The following UNG variants were observed in gnomAD, a reference collection of about 807,000 sequenced individuals.
The protein encoded by UNG is uracil-DNA glycosylase.
UNG carries 34 observed loss-of-function variants against 36.5 expected under a neutral mutation model. The observed-to-expected ratio is 0.93, with a 90% CI of 0.71 to 1.24. The LOEUF (loss-of-function observed/expected upper bound fraction) is 1.24. Ranked by LOEUF, UNG falls within the 50% of genes most tolerant of loss-of-function variation. The pLI is 0.00. For missense variants in UNG, 391 were observed against 397.6 expected (o/e 0.98, Z 0.14); for synonymous variants, 172 against 157.8 (o/e 1.09, Z -0.67).
intron 6 of UNG, among the ~76,000 whole-genome samples, chr12:109,106,815 T>G (rs2042217784): frequency 7.9e-6 from 1 of 126,296 alleles, no homozygotes; most frequent in Admixed American, 8.9e-5. Context: ...TGCAGTTAGC[T>G]GAGATCATGC....
At chr12:109,101,824 G>T in intron 3 of UNG, 78 bp from the exon 4 acceptor site, 1 of 1,252,082 alleles carries the variant, frequency 8.0e-7, no homozygotes, top group South Asian at 1.2e-5. Context: ...TATTTGTTTT[G>T]TTTATGTTTG....
rs55812333 is a variant in UNG, at chr12:109,102,005, G to A, written c.533+6G>A. 2.0e-3 allele frequency: 3,238 copies of A among 1,613,482 alleles called. 6 individuals are homozygous for A. Among genetic ancestry groups the A allele is most frequent in the South Asian group, 3.0e-3 (276 of 91,064 alleles). On this transcript the variant is annotated splice_donor_region_variant and intron_variant, in intron 4 of 6. Coordinates refer to ENST00000242576, the MANE Select transcript of UNG (RefSeq NM_080911.3). The stretch of plus-strand genomic sequence containing the variant: ...CCTGTTCCGCCTCCGCCCAGGTACA[G>A]TTGCTTTACAGGTGACTGCAGTCCA...
Position 109,099,233 on chromosome 12 carries a change from T to G in UNG, c.384T>G (p.Tyr128Ter). 7 of 1,614,052 alleles carry G rather than the reference T, an allele frequency of 4.3e-6. No homozygotes were observed. Among genetic ancestry groups the G allele is most frequent in the Non-Finnish European group, 5.9e-6 (7 of 1,180,022 alleles). ...AAGAAAGAAAGCATTACACTGTTTA[T>G]CCACCCCCACACCAAGTCTTCACCT... ...VAEERKHYTV[Y>*]PPPHQVFTWT... The change falls in exon 3 of 7, where the codon TAT becomes TAG. Residue 128 changes from tyrosine to a stop codon, truncating the protein, a stop_gained. Transcript: ENST00000242576. LOFTEE classifies it high-confidence loss of function.
At position 109,110,112 on chromosome 12, in the gene UNG, TC is replaced by T; in HGVS notation, c.*145del. The T allele has an allele frequency of 8.8e-7, 1 of 1,133,162 alleles. No individual in the cohort carries two copies. The highest frequency in any genetic ancestry group is 1.3e-6 in the Non-Finnish European group (1 of 785,650). 70.2% of individuals were successfully genotyped at this position (1,133,162 alleles called of 1,614,324 possible). On this transcript the variant is annotated 3_prime_UTR_variant, in exon 7 of 7. Coordinates refer to ENST00000242576, the MANE Select transcript of UNG (RefSeq NM_080911.3). ...CAGAAAGCAGCCATGAACCAGGCTG[TC>T]CAGGAATGGCAGCTGTATCCAACCA...
intron 5 of UNG, 144 bp from the exon 6 acceptor site, chr12:109,103,289 A>G (rs1006567917): frequency 6.1e-6 from 5 of 818,200 alleles, no homozygotes; most frequent in South Asian, 2.9e-5. Flanking sequence ...GGCTGCTGCC[A>G]TTATGCCGGC....
In UNG at chr12:109,103,470, C is replaced by G. The variant is rs572632781; in HGVS notation, c.660C>G (p.Ala220=). Residue 220 remains alanine, a synonymous_variant, in exon 6 of 7, where the codon GCC becomes GCG. Transcript: ENST00000242576. ...TCAACGCTGTCCTCACGGTTCGTGC[C>G]CATCAAGCCAACTCTCATAAGGAGC... The part of the protein sequence containing the change: ...LLLNAVLTVR[A]HQANSHKERG... 4 of 1,614,164 alleles carry G rather than the reference C, an allele frequency of 2.5e-6. No homozygotes were observed. The African/African-American group carries it at 4.0e-5, about 16-fold the overall frequency.
At chr12:109,105,828 C>T (rs141518006) in intron 6 of UNG, among the ~76,000 whole-genome samples, 77 of 152,374 alleles carry the variant, frequency 5.1e-4, no homozygotes, top group South Asian at 1.9e-3. Flanking sequence ...CAGGCCCTCA[C>T]CTGATCTTGC....
chr12:109,104,700 G>C (rs771101442), intron 6 of UNG, among the ~76,000 whole-genome samples: 8 of 152,102 alleles, frequency 5.3e-5, no homozygotes, highest in Non-Finnish European at 1.0e-4. Context: ...GGGAGAGATA[G>C]GGGGTGGGAA....
intron 3 of UNG, among the ~76,000 whole-genome samples, chr12:109,100,009 C>A (rs1430055849): frequency 6.6e-6 from 1 of 152,132 alleles, no homozygotes; most frequent in Non-Finnish European, 1.5e-5. Context: ...TTGCAGTGAG[C>A]TGAGATCACA....
At chr12:109,100,320 T>C (rs569848170) in intron 3 of UNG, among the ~76,000 whole-genome samples, 2 of 152,334 alleles carry the variant, frequency 1.3e-5, no homozygotes, top group African/African-American at 2.4e-5. Flanking sequence ...ACGATGCATT[T>C]AGCACCTGCT....
At position 109,097,755 on chromosome 12, in the gene UNG, C is replaced by T. The variant is rs1321029062; in HGVS notation, c.76C>T (p.Pro26Ser). The change falls in exon 1 of 7, where the codon CCG (proline) becomes TCG (serine). Residue 26 changes from proline to serine, a missense_variant. Coordinates refer to ENST00000242576, the MANE Select transcript of UNG (RefSeq NM_080911.3). ...GAAGCGACACGCCCCCAGCCCCGAG[C>T]CGGCCGTCCAGGGGACCGGCGTGGC... Reference protein sequence around the residue: ...ARKRHAPSPEPAVQGTGVAGV... With the variant: ...ARKRHAPSPESAVQGTGVAGV... 1.3e-6 allele frequency: 2 copies of T among 1,573,152 alleles called. No homozygotes were observed. The highest frequency in any genetic ancestry group is 1.7e-6 in the Non-Finnish European group (2 of 1,159,378).
At position 109,108,317 on chromosome 12, in the gene UNG, G is replaced by T. The variant is rs564398753; in HGVS notation, c.802-1512G>T. Among the ~76,000 whole-genome samples, 5 of 151,098 alleles carry T rather than the reference G, an allele frequency of 3.3e-5. No homozygotes were observed. In the South Asian group the frequency reaches 6.3e-4, roughly 19 times the overall value. The stretch of plus-strand genomic sequence containing the variant: ...ACCATACTTTGAGCACTCACACGTT[G>T]TTTTTTTTTCTTTCTTTAAGAGACA... On this transcript the variant is annotated intron_variant, in intron 6 of 6. Transcript: ENST00000242576.
intron 1 of UNG, chr12:109,098,171 T>G: frequency 7.1e-7 from 1 of 1,411,064 alleles, no homozygotes; most frequent in Non-Finnish European, 9.2e-7. Context: ...GGGGCACCTC[T>G]GTGCAGGGTT....
Position 109,109,901 on chromosome 12 carries a change from C to T in UNG, c.874C>T (p.His292Tyr), listed in dbSNP as rs986531302. The T allele has an allele frequency of 1.2e-6, 2 of 1,613,976 alleles. No individual in the cohort carries two copies. Among genetic ancestry groups the T allele is most frequent in the African/African-American group, 2.7e-5 (2 of 74,876 alleles). The part of the protein sequence containing the change: ...SVYRGFFGCR[H>Y]FSKTNELLQK... ...GTATAGAGGGTTCTTTGGATGTAGA[C>T]ACTTTTCAAAGACCAATGAGCTGCT... The change falls in exon 7 of 7, where the codon CAC becomes TAC. Residue 292 changes from histidine to tyrosine, a missense_variant. By Grantham distance (83) the His-to-Tyr change is moderately conservative. Transcript: ENST00000242576.
rs200337728 is a variant in UNG, at chr12:109,101,968, A to C, written c.502A>C (p.Ser168Arg). 2.2e-5 allele frequency: 35 copies of C among 1,614,038 alleles called. No individual in the cohort carries two copies. Among genetic ancestry groups the C allele is most frequent in the Admixed American group, 6.7e-5 (4 of 60,028 alleles). ...GPNQAHGLCF[S>R]VQRPVPPPPS... The stretch of plus-strand genomic sequence containing the variant: ...TAATCAAGCTCACGGGCTCTGCTTT[A>C]GTGTTCAAAGGCCTGTTCCGCCTCC... The change falls in exon 4 of 7, where the codon AGT becomes CGT. Residue 168 changes from serine to arginine, a missense_variant. Coordinates refer to ENST00000242576, the MANE Select transcript of UNG (RefSeq NM_080911.3).
intron 3 of UNG, among the ~76,000 whole-genome samples, chr12:109,100,902 C>CT (rs2042170712): frequency 6.6e-6 from 1 of 152,076 alleles, no homozygotes; most frequent in Admixed American, 6.5e-5. Context: ...AGAATGAAGA[C>CT]TAGGTGGGTG....
intron 4 of UNG, 86 bp downstream of exon 4, chr12:109,102,085 G>C: frequency 8.1e-7 from 1 of 1,231,508 alleles, no homozygotes; most frequent in East Asian, 2.4e-5. Context: ...ACTATCTGGG[G>C]CACTGTTCAC....
At chr12:109,099,469 A>C (rs911520066) in intron 3 of UNG, 185 bp downstream of exon 3, 5 of 610,452 alleles carry the variant, frequency 8.2e-6, no homozygotes, top group Admixed American at 2.8e-5. Flanking sequence ...CGTGGTATTT[A>C]TGTGGCAAAA....
At chr12:109,099,523 T>C (rs1439764623) in intron 3 of UNG, among the ~76,000 whole-genome samples, 3 of 152,226 alleles carry the variant, frequency 2.0e-5, no homozygotes, top group Non-Finnish European at 4.4e-5. Flanking sequence ...TTGTATTTTT[T>C]TTAAATCCTG....
Sources: allele counts gnomAD v4.1 joint callset (sites outside exome capture counted in the v4.1 genomes callset), GRCh38; gene constraint gnomAD v4.1.1; transcripts MANE v1.5; gene names NCBI Gene and HGNC (gene_info 2026-07-23, HGNC 2026-07-21).